The following ARHGAP28 variants were observed in gnomAD, a reference collection of about 807,000 sequenced individuals.
ARHGAP28 encodes the protein Rho GTPase activating protein 28.
A neutral mutation model predicts 90.7 loss-of-function variants in ARHGAP28; 56 were observed. That is an observed-to-expected ratio of 0.62 (90% CI 0.50 to 0.77). The LOEUF (loss-of-function observed/expected upper bound fraction) is 0.77. Ranked by LOEUF, ARHGAP28 falls within the 30% of genes least tolerant of loss-of-function variation. The pLI is 0.00. For missense variants in ARHGAP28, 869 were observed against 900.9 expected (o/e 0.96, Z 0.45); for synonymous variants, 308 against 323.3 (o/e 0.95, Z 0.51).
At chr18:6,773,105 C>T (rs1159629736) in intron 1 of ARHGAP28, among the ~76,000 whole-genome samples, 1 of 152,086 alleles carries the variant, frequency 6.6e-6, no homozygotes, top group Non-Finnish European at 1.5e-5. Flanking sequence ...TGAGTTTTAC[C>T]TTGTGTAGAA....
chr18:6,866,455 C>G (rs1302466935), intron 5 of ARHGAP28, among the ~76,000 whole-genome samples: 1 of 152,126 alleles, frequency 6.6e-6, no homozygotes, highest in Admixed American at 6.6e-5. Flanking sequence ...CTCCTCTTGC[C>G]TTTGGAAGTC....
chr18:6,785,206 C>T (rs2056356323), intron 1 of ARHGAP28, among the ~76,000 whole-genome samples: 1 of 152,176 alleles, frequency 6.6e-6, no homozygotes, highest in African/African-American at 2.4e-5. Context: ...GCATAGTTCA[C>T]ATAAATGAAA....
Position 6,889,953 on chromosome 18 carries a change from C to T in ARHGAP28, c.1602C>T (p.Asn534=), listed in dbSNP as rs1600291382. ...NESKNRMSLW[N]ISTVMAPNLF... ...CAAAAAACCGAATGAGTCTGTGGAA[C>T]ATTTCTACAGTGATGGCACCAAACC... is the stretch of plus-strand genomic sequence containing the variant. The change falls in exon 13 of 18, where the codon AAC becomes AAT. Residue 534 remains asparagine, a synonymous_variant. Coordinates refer to ENST00000383472, the MANE Select transcript of ARHGAP28 (RefSeq NM_001366230.1). 6.2e-7 allele frequency: 1 copy of T among 1,614,158 alleles called. No homozygotes were observed. The highest frequency in any genetic ancestry group is 1.3e-5 in the African/African-American group (1 of 75,046).
At chr18:6,756,771 C>G (rs2143296168) in intron 1 of ARHGAP28, among the ~76,000 whole-genome samples, 1 of 152,302 alleles carries the variant, frequency 6.6e-6, no homozygotes, top group South Asian at 2.1e-4. Context: ...CTGAGAGCCA[C>G]TGGTGTGAGT....
At chr18:6,734,505 T>C (rs971668841) in intron 1 of ARHGAP28, among the ~76,000 whole-genome samples, 1 of 152,172 alleles carries the variant, frequency 6.6e-6, no homozygotes, top group African/African-American at 2.4e-5. Context: ...TCTACAGCAA[T>C]GTTTAAACTT....
chr18:6,885,576 G>T (rs925720836), intron 11 of ARHGAP28, among the ~76,000 whole-genome samples: 2 of 152,136 alleles, frequency 1.3e-5, no homozygotes, highest in African/African-American at 4.8e-5. Flanking sequence ...GGGAAATAAT[G>T]ACCTCAGGAA....
At chr18:6,855,306 A>G (rs184102828) in intron 4 of ARHGAP28, among the ~76,000 whole-genome samples, 31 of 152,268 alleles carry the variant, frequency 2.0e-4, no homozygotes, top group African/African-American at 6.7e-4. Flanking sequence ...AGGCCCGCCC[A>G]TGGCCGCTCA....
At chr18:6,788,091 C>G (rs531310040) in intron 1 of ARHGAP28, among the ~76,000 whole-genome samples, 1 of 152,294 alleles carries the variant, frequency 6.6e-6, no homozygotes, top group East Asian at 1.9e-4. Context: ...GAATTGTAAT[C>G]TGCAGTGCTG....
rs185060225 is a variant in ARHGAP28, at chr18:6,900,638, G to A, written c.2030+4012G>A. 2.0e-3 allele frequency among the ~76,000 whole-genome samples: 308 copies of A among 151,302 alleles called. 1 individual carries two copies. Among genetic ancestry groups the A allele is most frequent in the South Asian group, 0.02 (95 of 4,802 alleles). ...ATGAACAACAGAGAGGAAATAAACCGGAAAAAAAAAATGAACACAGCCTCA... is the reference window on the plus strand; with the variant it reads ...ATGAACAACAGAGAGGAAATAAACCAGAAAAAAAAAATGAACACAGCCTCA... On this transcript the variant is annotated intron_variant, in intron 16 of 17. Transcript: ENST00000383472.
At position 6,729,790 on chromosome 18, in the gene ARHGAP28, T is replaced by C; in HGVS notation, c.-32T>C. On this transcript the variant is annotated 5_prime_UTR_variant, in exon 1 of 18. Transcript: ENST00000383472. Reference sequence around the variant, plus strand: ...TCCATGCTGGTCCCGGTCTTTGTTCTGGGGCCGGCGCCGAGACATGCGCGG... The same window carrying C: ...TCCATGCTGGTCCCGGTCTTTGTTCCGGGGCCGGCGCCGAGACATGCGCGG... 7.3e-7 allele frequency: 1 copy of C among 1,373,482 alleles called. No individual in the cohort carries two copies. 85.1% of individuals were successfully genotyped at this position (1,373,482 alleles called of 1,614,324 possible). A position where few individuals can be genotyped will look rare whatever the true frequency, so the allele number is the denominator to read the frequency against.
rs1406139129 is a variant in ARHGAP28, at chr18:6,882,285, T to A, written c.1439T>A (p.Ile480Asn). The change falls in exon 11 of 18, where the codon ATC becomes AAC. Residue 480 changes from isoleucine to asparagine, a missense_variant. Coordinates refer to ENST00000383472, the MANE Select transcript of ARHGAP28 (RefSeq NM_001366230.1). ...LFPVEYIPAF[I>N]SLMERGPHVK... is the part of the protein sequence containing the mutation. ...CCTGTGGAATATATACCTGCCTTCA[T>A]CAGTCTAATGGAAAGTAGGTGGAAG... 6.2e-7 allele frequency: 1 copy of A among 1,613,232 alleles called. No homozygotes were observed. Among genetic ancestry groups the A allele is most frequent in the East Asian group, 2.2e-5 (1 of 44,848 alleles).
At position 6,914,238 on chromosome 18, in the gene ARHGAP28, A is replaced by G. The variant is rs1467175475; in HGVS notation, c.*2084A>G. 1.3e-5 allele frequency: 2 copies of G among 152,210 alleles called. No individual in the cohort carries two copies. The highest frequency in any genetic ancestry group is 2.9e-5 in the Non-Finnish European group (2 of 68,020). The allele number at this position is 152,210 out of a possible 1,614,324, so 9.4% of individuals were successfully genotyped here. ...CACCAGTTTCAAATAAATCCCTAATAGGTAACAAGTAAAATACAAATTCTT... is the reference window on the plus strand; with the variant it reads ...CACCAGTTTCAAATAAATCCCTAATGGGTAACAAGTAAAATACAAATTCTT... On this transcript the variant is annotated 3_prime_UTR_variant, in exon 18 of 18. Transcript: ENST00000383472.
Position 6,824,932 on chromosome 18 carries a change from A to C in ARHGAP28, c.293A>C (p.Glu98Ala). ...GACAGCAGCATGGGAGGGCAAGAAGAGCCACCGCCAGCTGAGGTCACACCT... is the reference window on the plus strand; with the variant it reads ...GACAGCAGCATGGGAGGGCAAGAAGCGCCACCGCCAGCTGAGGTCACACCT... The part of the protein sequence containing the change: ...IKDSSMGGQE[E>A]PPPAEVTPVD... Residue 98 changes from glutamate (E) to alanine (A), a missense_variant, in exon 2 of 18, where the codon GAG becomes GCG. Transcript: ENST00000383472. 6.5e-7 allele frequency: 1 copy of C among 1,535,684 alleles called. No individual in the cohort carries two copies. The highest frequency in any genetic ancestry group is 8.7e-7 in the Non-Finnish European group (1 of 1,146,760).
At chr18:6,824,627 C>G in intron 1 of ARHGAP28, 135 bp from the exon 2 acceptor site, 1 of 735,748 alleles carries the variant, frequency 1.4e-6, no homozygotes, top group Non-Finnish European at 2.1e-6. Flanking sequence ...TCCCTCAAAC[C>G]TATCTCAACC....
chr18:6,887,397 G>T (rs1301049421), intron 12 of ARHGAP28, among the ~76,000 whole-genome samples, 158 bp downstream of exon 12: 1 of 150,552 alleles, frequency 6.6e-6, no homozygotes, highest in Non-Finnish European at 1.5e-5. Context: ...TTCTCCTGAG[G>T]AAGACAAGAA....
At chr18:6,884,777 A>G (rs968368869) in intron 11 of ARHGAP28, among the ~76,000 whole-genome samples, 1 of 152,042 alleles carries the variant, frequency 6.6e-6, no homozygotes, top group South Asian at 2.1e-4. Context: ...TGGATCACTC[A>G]TTTGTTTTTG....
At chr18:6,841,178 CTCCTCT>C (rs1567966528) in intron 3 of ARHGAP28, among the ~76,000 whole-genome samples, 10 of 69,444 alleles carry the variant, frequency 1.4e-4, no homozygotes, top group Non-Finnish European at 2.3e-4. Flanking sequence ...CTCTCTCTCT[CTCCTCT>C]CTCTCTCTCT....
At chr18:6,770,499 T>C (rs904853135) in intron 1 of ARHGAP28, among the ~76,000 whole-genome samples, 1 of 152,176 alleles carries the variant, frequency 6.6e-6, no homozygotes, top group African/African-American at 2.4e-5. Flanking sequence ...GACTTGACTC[T>C]TGGATGGCAG....
At chr18:6,772,549 T>C (rs117236088) in intron 1 of ARHGAP28, among the ~76,000 whole-genome samples, 1 of 152,332 alleles carries the variant, frequency 6.6e-6, no homozygotes, top group East Asian at 1.9e-4. Context: ...ATATGAGATA[T>C]TCAACACTTT....
Sources: allele counts gnomAD v4.1 joint callset (sites outside exome capture counted in the v4.1 genomes callset), GRCh38; gene constraint gnomAD v4.1.1; transcripts MANE v1.5; gene names NCBI Gene and HGNC (gene_info 2026-07-23, HGNC 2026-07-21).